STK10: variants seen among roughly 807,000 people sequenced by gnomAD.
STK10 encodes the protein serine/threonine-protein kinase 10.
A neutral mutation model predicts 113.8 loss-of-function variants in STK10; 78 were observed. The observed-to-expected ratio is 0.69, with a 90% CI of 0.57 to 0.83. STK10 has a LOEUF of 0.83. Ranked by LOEUF, STK10 falls within the 40% of genes least tolerant of loss-of-function variation. The pLI, the probability that STK10 is intolerant of heterozygous loss-of-function variation, is 0.00. For missense variants in STK10, 1,109 were observed against 1,280.1 expected (o/e 0.87, Z 2.04); for synonymous variants, 465 against 494.7 (o/e 0.94, Z 0.80).
rs143060429 is a variant in STK10, at chr5:172,084,855, G to A, written c.1686-1771C>T. Among the ~76,000 whole-genome samples the A allele has an allele frequency of 3.8e-3, 577 of 152,252 alleles. 5 individuals carry two copies. The Middle Eastern group carries it at 0.062, about 16-fold the overall frequency. ...ATGTTCCAGTGAGAATTTGATGTCA[G>A]TGCTCAAAAAGTTGCAGATTTTGGA... On this transcript the variant is annotated intron_variant, in intron 10 of 18. Coordinates refer to ENST00000176763, the MANE Select transcript of STK10 (RefSeq NM_005990.4).
intron 4 of STK10, among the ~76,000 whole-genome samples, chr5:172,111,111 G>C (rs1769228152): frequency 6.6e-6 from 1 of 152,166 alleles, no homozygotes; most frequent in South Asian, 2.1e-4. Flanking sequence ...GTAGAGCCTG[G>C]CTCTGCTGAT....
At chr5:172,137,030 G>C (rs771300923) in intron 2 of STK10, among the ~76,000 whole-genome samples, 45 of 141,546 alleles carry the variant, frequency 3.2e-4, no homozygotes, top group Non-Finnish European at 6.5e-4. Flanking sequence ...CAGTGTCCAC[G>C]TGTTCTCACT....
intron 1 of STK10, among the ~76,000 whole-genome samples, chr5:172,164,402 G>C (rs1423004623): frequency 6.6e-6 from 1 of 152,090 alleles, no homozygotes. Context: ...AGCTGAGAGA[G>C]GGCATGAGAA....
At chr5:172,053,349 C>T (rs4075706) in intron 17 of STK10, 116,472 of 314,580 alleles carry the variant, frequency 0.37, 22,912 homozygotes, top group Middle Eastern at 0.42. Flanking sequence ...GGAGCCCTCA[C>T]CAGAACCCCA....
intron 3 of STK10, among the ~76,000 whole-genome samples, chr5:172,121,486 T>C (rs552516292): frequency 9.3e-4 from 141 of 152,110 alleles, no homozygotes; most frequent in African/African-American, 3.1e-3. Flanking sequence ...ACCACCGGTG[T>C]GTGCCACCAC....
intron 4 of STK10, among the ~76,000 whole-genome samples, chr5:172,111,341 C>A (rs1427429807): frequency 1.3e-5 from 2 of 152,172 alleles, no homozygotes; most frequent in East Asian, 1.9e-4. Flanking sequence ...GACCACAGGC[C>A]CTGCCGATCC....
Position 172,133,661 on chromosome 5 carries a change from G to A in STK10, c.322-6240C>T, listed in dbSNP as rs543452451. Among the ~76,000 whole-genome samples the A allele has an allele frequency of 6.6e-6, 1 of 152,300 alleles. No homozygotes were observed. Among genetic ancestry groups the A allele is most frequent in the South Asian group, 2.1e-4 (1 of 4,832 alleles). On this transcript the variant is annotated intron_variant, in intron 2 of 18. Coordinates refer to ENST00000176763, the MANE Select transcript of STK10 (RefSeq NM_005990.4). The surrounding 1 kb of genome is among the most constrained non-coding windows in gnomAD (Gnocchi z 4.9). Reference sequence around the variant, plus strand: ...CATGTTGCAACCACGAGAGAAGTGGGTGTGAAGACAAAGCTAATACACAGA... The same window carrying A: ...CATGTTGCAACCACGAGAGAAGTGGATGTGAAGACAAAGCTAATACACAGA...
chr5:172,084,073 T>C (rs1270555802), intron 10 of STK10, among the ~76,000 whole-genome samples: 1 of 152,032 alleles, frequency 6.6e-6, no homozygotes, highest in African/African-American at 2.4e-5. Context: ...AATCAAGTTT[T>C]AGAAAATGTT....
chr5:172,138,667 A>T (rs1006149255), intron 2 of STK10, among the ~76,000 whole-genome samples: 1 of 152,190 alleles, frequency 6.6e-6, no homozygotes, highest in Non-Finnish European at 1.5e-5. Flanking sequence ...AAATAAACTT[A>T]AAAAGGAGGC....
chr5:172,110,838 C>T (rs964881753), intron 4 of STK10, among the ~76,000 whole-genome samples: 2 of 152,108 alleles, frequency 1.3e-5, no homozygotes, highest in Non-Finnish European at 2.9e-5. Context: ...GTGGCAAAAG[C>T]GAGAAGATGG....
At chr5:172,149,033 G>A (rs933745480) in intron 2 of STK10, among the ~76,000 whole-genome samples, 3 of 152,232 alleles carry the variant, frequency 2.0e-5, no homozygotes, top group African/African-American at 7.2e-5. Flanking sequence ...TGGGTGTGGT[G>A]GCACATGCTT....
intron 12 of STK10, among the ~76,000 whole-genome samples, chr5:172,068,080 C>T (rs1010309450): frequency 7.9e-5 from 12 of 152,220 alleles, no homozygotes; most frequent in Non-Finnish European, 1.5e-4. Context: ...GTGGCTCACG[C>T]CTGTAATCCC....
chr5:172,071,245 ATAGGTATTTCATTGG>A, intron 12 of STK10, among the ~76,000 whole-genome samples: 5 of 138,990 alleles, frequency 3.6e-5, no homozygotes, highest in African/African-American at 1.1e-4. Flanking sequence ...AAAAAAAGAA[ATAGGTATTTCATTGG>A]AAGGCCATGT....
intron 6 of STK10, 99 bp from the exon 7 acceptor site, chr5:172,105,836 G>A: frequency 9.2e-7 from 1 of 1,089,066 alleles, no homozygotes. Context: ...CCCCTCAAAG[G>A]ACAGAGGAAA....
chr5:172,052,860 C>G, intron 18 of STK10, 69 bp downstream of exon 18: 1 of 1,493,040 alleles, frequency 6.7e-7, no homozygotes, highest in South Asian at 1.1e-5. Context: ...CTAACATGTC[C>G]TGGCCAGAGG....
At position 172,075,484 on chromosome 5, in the gene STK10, C is replaced by T. The variant is rs1469116692; in HGVS notation, c.1989+6842G>A. Among the ~76,000 whole-genome samples, 4 of 152,216 alleles carry T rather than the reference C, an allele frequency of 2.6e-5. No homozygotes were observed. The East Asian group carries it at 7.8e-4, about 30-fold the overall frequency. ...CTGGGGTCAGGAGTTCAAGACCATC[C>T]TGGCCAACATGGTGAAACCCCATCT... On this transcript the variant is annotated intron_variant, in intron 12 of 18. Transcript: ENST00000176763.
chr5:172,076,842 G>A (rs770713466), intron 12 of STK10, among the ~76,000 whole-genome samples: 19 of 152,032 alleles, frequency 1.2e-4, no homozygotes, highest in Non-Finnish European at 2.4e-4. Flanking sequence ...AAGGCCTCAC[G>A]AGCTTAAAAC....
intron 3 of STK10, among the ~76,000 whole-genome samples, chr5:172,119,721 G>A (rs7707651): frequency 0.11 from 15,422 of 134,396 alleles, 1,130 homozygotes; most frequent in African/African-American, 0.19. Flanking sequence ...AAAATTAGCC[G>A]GGCGTAGTGG....
chr5:172,112,416 CTTTT>C (rs1159424183), intron 4 of STK10, among the ~76,000 whole-genome samples: 3 of 103,072 alleles, frequency 2.9e-5, no homozygotes, highest in African/African-American at 3.5e-5. Flanking sequence ...AGGGACCTTA[CTTTT>C]TTTTTTTTTT....
Sources: gnomAD v4.1 joint callset for allele counts (sites outside exome capture counted in the v4.1 genomes callset) on GRCh38, gnomAD v4.1.1 for gene constraint, Gnocchi (gnomAD v3.1) non-coding constraint, MANE v1.5 for transcripts, NCBI Gene and HGNC (gene_info 2026-07-23, HGNC 2026-07-21) for gene names.